CRACD: variants seen among roughly 807,000 people sequenced by gnomAD.
CRACD encodes capping protein-inhibiting regulator of actin dynamics.
CRACD carries 56 observed loss-of-function variants against 106.8 expected under a neutral mutation model. That is an observed-to-expected ratio of 0.52 (90% confidence interval 0.42 to 0.66). The LOEUF is 0.66. Ranked by LOEUF, CRACD falls within the 30% of genes least tolerant of loss-of-function variation. CRACD has a pLI of 0.00. For synonymous variants in CRACD, 754 were observed against 670.8 expected, an observed-to-expected ratio of 1.12 and a Z score of -1.92; for missense variants, 1,730 against 1,623.2, an observed-to-expected ratio of 1.07 and a Z score of -1.13.
At chr4:56,237,517 C>T (rs1007915859) in intron 2 of CRACD, among the ~76,000 whole-genome samples, 3 of 152,126 alleles carry the variant, frequency 2.0e-5, no homozygotes, top group African/African-American at 7.2e-5. Flanking sequence ...AATGCAGCTT[C>T]ATGCTATCAC....
chr4:56,282,898 G>A (rs888336846), intron 3 of CRACD, among the ~76,000 whole-genome samples: 1 of 152,188 alleles, frequency 6.6e-6, no homozygotes, highest in South Asian at 2.1e-4. Context: ...GGCACCAGAC[G>A]ACAGAGCTTA....
chr4:56,092,661 G>A (rs1733460525), intron 1 of CRACD, among the ~76,000 whole-genome samples: 1 of 152,020 alleles, frequency 6.6e-6, no homozygotes, highest in Non-Finnish European at 1.5e-5. Flanking sequence ...GGAGTGCAGT[G>A]TGTGATCATA....
chr4:56,240,174 G>T (rs1191070767), intron 2 of CRACD, among the ~76,000 whole-genome samples: 1 of 151,946 alleles, frequency 6.6e-6, no homozygotes, highest in Non-Finnish European at 1.5e-5. Flanking sequence ...ATATGAAATG[G>T]GTTATAATAA....
At chr4:56,240,814 C>T (rs528353078) in intron 2 of CRACD, among the ~76,000 whole-genome samples, 2 of 152,232 alleles carry the variant, frequency 1.3e-5, no homozygotes, top group Non-Finnish European at 2.9e-5. Context: ...TTAGGTTTGT[C>T]TTCTGTGACT....
chr4:56,314,769 C>A lies in CRACD; in HGVS notation c.1267C>A (p.Leu423Met). The A allele has an allele frequency of 6.3e-7, 1 of 1,594,116 alleles. No homozygotes were observed. The highest frequency in any genetic ancestry group is 1.1e-5 in the South Asian group (1 of 87,478). Residue 423 changes from leucine to methionine, a missense_variant, in exon 8 of 11, where the codon CTG becomes ATG. Physicochemically the swap from Leu to Met is conservative, Grantham distance 15. This residue lies in a region of CRACD where 1,620 missense variants were observed against 1,481.6 expected (regional missense o/e 1.09). Transcript: ENST00000682029. The surrounding 1 kb of genome is among the most constrained non-coding windows in gnomAD (Gnocchi z 4.4). ...CTGGAGGGGGCAGCTCAGTGAGCTT[C>A]TGAACGACTTTGAGGAGAGGCTCGA... ...EDWRGQLSEL[L>M]NDFEERLEDQ...
At chr4:56,293,578 G>A (rs1005591204) in intron 3 of CRACD, among the ~76,000 whole-genome samples, 10 of 152,196 alleles carry the variant, frequency 6.6e-5, no homozygotes, top group African/African-American at 2.2e-4. Context: ...AAGCATAGTG[G>A]CTTCCACTTC....
At chr4:56,230,479 A>G (rs1739556704) in intron 2 of CRACD, among the ~76,000 whole-genome samples, 1 of 152,154 alleles carries the variant, frequency 6.6e-6, no homozygotes, top group Admixed American at 6.6e-5. Flanking sequence ...CCTACTCAAA[A>G]AGTAGTGATG....
chr4:56,060,665 G>A lies in CRACD; in HGVS notation c.-336+11366G>A, dbSNP rs570453902. On this transcript the variant is annotated intron_variant, in intron 1 of 10. Transcript: ENST00000682029. ...GAAAAGACTAAAGGGTGCCGCAATG[G>A]ACTGAATGTTTTTGTCTCCCCAAAA... Among the ~76,000 whole-genome samples, 6 of 152,246 alleles carry A rather than the reference G, an allele frequency of 3.9e-5. No individual in the cohort carries two copies. The South Asian group carries it at 1.0e-3, about 26-fold the overall frequency.
At chr4:56,214,155 C>T (rs1027526311) in intron 2 of CRACD, among the ~76,000 whole-genome samples, 1 of 152,142 alleles carries the variant, frequency 6.6e-6, no homozygotes, top group African/African-American at 2.4e-5. Flanking sequence ...AAGGCACTGT[C>T]AGATTTGGTG....
At chr4:56,129,436 G>A (rs41335053) in intron 1 of CRACD, among the ~76,000 whole-genome samples, 7,438 of 152,274 alleles carry the variant, frequency 0.049, 281 homozygotes, top group East Asian at 0.09. Context: ...TTAGGGCCTC[G>A]TGTGAACTGG....
intron 1 of CRACD, among the ~76,000 whole-genome samples, chr4:56,089,774 A>G (rs1179018405): frequency 6.6e-6 from 1 of 152,008 alleles, no homozygotes; most frequent in Non-Finnish European, 1.5e-5. Flanking sequence ...TGTTCTCCCA[A>G]AGTGCTGCGA....
intron 1 of CRACD, among the ~76,000 whole-genome samples, chr4:56,054,652 A>C (rs983676408): frequency 4.6e-5 from 7 of 152,228 alleles, no homozygotes; most frequent in African/African-American, 1.7e-4. Context: ...CTCTAAAGTA[A>C]AGAAATACAT....
intron 2 of CRACD, among the ~76,000 whole-genome samples, chr4:56,248,277 T>C (rs1280176758): frequency 6.6e-6 from 1 of 152,174 alleles, no homozygotes; most frequent in Non-Finnish European, 1.5e-5. Context: ...GCTGACATCT[T>C]ACTATGGAAA....
At position 56,323,398 on chromosome 4, in the gene CRACD, G is replaced by C. The variant is rs1436690556; in HGVS notation, c.3209G>C (p.Arg1070Thr). The C allele has an allele frequency of 6.2e-7, 1 of 1,607,424 alleles. No homozygotes were observed. Among genetic ancestry groups the C allele is most frequent in the African/African-American group, 1.3e-5 (1 of 74,410 alleles). ...GRKEKPMLQS[R>T]HSLDGSKLTE... is the part of the protein sequence containing the mutation. ...ACAGAGAAGCCGATGCTTCAGAGCA[G>C]ACACTCCTTAGATGGCTCCAAACTT... is the stretch of plus-strand genomic sequence containing the variant. The change falls in exon 9 of 11, where the codon AGA (arginine) becomes ACA (threonine). Residue 1070 changes from arginine to threonine, a missense_variant. Arg to Thr is a moderately conservative substitution (Grantham distance 71). Coordinates refer to ENST00000682029, the MANE Select transcript of CRACD (RefSeq NM_001393381.1).
At chr4:56,155,424 G>A (rs73817369) in intron 1 of CRACD, among the ~76,000 whole-genome samples, 3,239 of 152,304 alleles carry the variant, frequency 0.021, 93 homozygotes, top group African/African-American at 0.068. Context: ...TATATCAGGT[G>A]ATATTCTGGG....
At position 56,212,962 on chromosome 4, in the gene CRACD, C is replaced by G. The variant is rs1049715079; in HGVS notation, c.-189+33532C>G. On this transcript the variant is annotated intron_variant, in intron 2 of 10. Coordinates refer to ENST00000682029, the MANE Select transcript of CRACD (RefSeq NM_001393381.1). ...AAACAAACTCAGAGAACTCACAACA[C>G]AAATCTGTGGAGTTTTGGAATCCAA... Among the ~76,000 whole-genome samples, 66 of 152,142 alleles carry G rather than the reference C, an allele frequency of 4.3e-4. 1 individual carries two copies. The highest frequency in any genetic ancestry group is 1.5e-3 in the African/African-American group (63 of 41,438).
At chr4:56,139,567 T>C (rs564713642) in intron 1 of CRACD, among the ~76,000 whole-genome samples, 2 of 152,314 alleles carry the variant, frequency 1.3e-5, no homozygotes, top group Admixed American at 1.3e-4. Flanking sequence ...GCTGGGGCAA[T>C]GTCTGCTCAG....
chr4:56,143,629 T>C (rs1025865646), intron 1 of CRACD, among the ~76,000 whole-genome samples: 3 of 152,208 alleles, frequency 2.0e-5, no homozygotes, highest in African/African-American at 7.2e-5. Context: ...TTCCTAATTT[T>C]GTGTCATCCT....
In CRACD at chr4:56,314,527, A is replaced by C. The variant is rs1305564060; in HGVS notation, c.1025A>C (p.Glu342Ala). 2 of 1,511,118 alleles carry C rather than the reference A, an allele frequency of 1.3e-6. No individual in the cohort carries two copies. The highest frequency in any genetic ancestry group is 4.5e-5 in the Admixed American group (2 of 44,700). 93.6% of individuals were successfully genotyped at this position (1,511,118 alleles called of 1,614,324 possible). Reference protein sequence around the residue: ...RRRLEEDARLEERRRQEEEEG... With the variant: ...RRRLEEDARLAERRRQEEEEG... ...CGGCTGGAGGAGGACGCCAGGCTGGAGGAGCGGAGGCGGCAGGAGGAGGAG... is the reference window on the plus strand; with the variant it reads ...CGGCTGGAGGAGGACGCCAGGCTGGCGGAGCGGAGGCGGCAGGAGGAGGAG... The change falls in exon 8 of 11, where the codon GAG becomes GCG. Residue 342 changes from glutamate to alanine, a missense_variant. Coordinates refer to ENST00000682029, the MANE Select transcript of CRACD (RefSeq NM_001393381.1). The surrounding 1 kb of genome is among the most constrained non-coding windows in gnomAD (Gnocchi z 4.4).
Sources: allele counts gnomAD v4.1 joint callset (sites outside exome capture counted in the v4.1 genomes callset), GRCh38; gene constraint gnomAD v4.1.1; regional missense constraint gnomAD v4.1.1; non-coding constraint Gnocchi (gnomAD v3.1); transcripts MANE v1.5; gene names NCBI Gene and HGNC (gene_info 2026-07-23, HGNC 2026-07-21).